Variants in SCHIP1 observed in about 807,000 individuals in gnomAD.
The protein encoded by SCHIP1 is schwannomin interacting protein 1.
SCHIP1 carries 8 observed loss-of-function variants against 29.7 expected under a neutral mutation model. That is an observed-to-expected ratio of 0.27 (90% CI 0.16 to 0.49). The LOEUF is 0.49. SCHIP1 is among the 20% of genes least tolerant of loss of function. The probability of loss-of-function intolerance (pLI) is 0.99; values close to 1 mark genes in which losing one functional copy is unlikely to be tolerated. For missense variants in SCHIP1, 193 were observed against 294.6 expected (o/e 0.66, Z 2.52); for synonymous variants, 76 against 94.9 (o/e 0.80, Z 1.16).
the SCHIP1 span, among the ~76,000 whole-genome samples, chr3:159,334,352 C>T: frequency 9.2e-5 from 14 of 152,078 alleles, no homozygotes; most frequent in Non-Finnish European, 1.6e-4. Flanking sequence ...GTTTGATATG[C>T]ACATCATAGG....
chr3:159,782,698 T>C, the SCHIP1 span, among the ~76,000 whole-genome samples: 1 of 152,268 alleles, frequency 6.6e-6, no homozygotes, highest in Non-Finnish European at 1.5e-5. Flanking sequence ...GTGATTGTAA[T>C]GATCCTCAGG....
the SCHIP1 span, among the ~76,000 whole-genome samples, chr3:159,589,087 C>T: frequency 6.6e-6 from 1 of 152,150 alleles, no homozygotes; most frequent in Non-Finnish European, 1.5e-5. Flanking sequence ...TTGATTCTTC[C>T]TACCCATGAG....
At chr3:159,678,804 T>C in the SCHIP1 span, among the ~76,000 whole-genome samples, 1 of 152,204 alleles carries the variant, frequency 6.6e-6, no homozygotes, top group Non-Finnish European at 1.5e-5. Flanking sequence ...AAGGCACCTC[T>C]TCACAGAGTG....
chr3:159,771,868 C>A, the SCHIP1 span, among the ~76,000 whole-genome samples: 1 of 152,102 alleles, frequency 6.6e-6, no homozygotes, highest in Non-Finnish European at 1.5e-5. Flanking sequence ...TAAAATAAAT[C>A]TTTGCCTACC....
chr3:159,424,863 C>T, the SCHIP1 span, among the ~76,000 whole-genome samples: 8 of 151,794 alleles, frequency 5.3e-5, no homozygotes, highest in Non-Finnish European at 2.9e-5. Context: ...CTCTAAAAGC[C>T]AGAAGAGAGT....
chr3:159,527,731 GAGT>G, the SCHIP1 span, among the ~76,000 whole-genome samples: 52 of 152,224 alleles, frequency 3.4e-4, no homozygotes, highest in African/African-American at 1.2e-3. Context: ...TTTGCATTTG[GAGT>G]AGTTTTTTTG....
the SCHIP1 span, among the ~76,000 whole-genome samples, chr3:159,315,996 C>A: frequency 3.9e-5 from 6 of 152,030 alleles, no homozygotes; most frequent in Admixed American, 3.9e-4. Flanking sequence ...TCTTCACATT[C>A]TTTTAATGTA....
the SCHIP1 span, among the ~76,000 whole-genome samples, chr3:159,499,272 A>G: frequency 6.6e-6 from 1 of 152,210 alleles, no homozygotes; most frequent in African/African-American, 2.4e-5. Flanking sequence ...ATGGGCCATC[A>G]CAATTCAGGA....
chr3:159,549,980 G>C, the SCHIP1 span, among the ~76,000 whole-genome samples: 1 of 149,470 alleles, frequency 6.7e-6, no homozygotes, highest in Non-Finnish European at 1.5e-5. Flanking sequence ...AATTTTATTT[G>C]TATTTTCAAT....
chr3:159,617,595 T>C, the SCHIP1 span, among the ~76,000 whole-genome samples: 1 of 152,080 alleles, frequency 6.6e-6, no homozygotes, highest in Admixed American at 6.5e-5. Flanking sequence ...AATAAAACAA[T>C]CTTTGTTCAC....
the SCHIP1 span, among the ~76,000 whole-genome samples, chr3:159,496,998 C>T: frequency 6.1e-3 from 924 of 152,192 alleles, 9 homozygotes; most frequent in African/African-American, 0.021. Flanking sequence ...AGCAAACTGT[C>T]GCAAGGACAA....
chr3:159,690,736 G>A, the SCHIP1 span, among the ~76,000 whole-genome samples: 1 of 152,154 alleles, frequency 6.6e-6, no homozygotes, highest in Non-Finnish European at 1.5e-5. Flanking sequence ...GGCATTTAGT[G>A]CTATAAATTT....
chr3:159,404,505 G>A, the SCHIP1 span, among the ~76,000 whole-genome samples: 1 of 152,174 alleles, frequency 6.6e-6, no homozygotes, highest in African/African-American at 2.4e-5. Flanking sequence ...GGAAGTACTT[G>A]TCACAGGTGT....
the SCHIP1 span, among the ~76,000 whole-genome samples, chr3:159,637,281 A>G: frequency 6.6e-6 from 1 of 151,896 alleles, no homozygotes; most frequent in South Asian, 2.1e-4. Context: ...TCATTTTGGA[A>G]CTCAAGACTT....
chr3:159,444,337 G>A, the SCHIP1 span, among the ~76,000 whole-genome samples: 4 of 152,048 alleles, frequency 2.6e-5, no homozygotes, highest in African/African-American at 9.7e-5. Context: ...CCAAACACAT[G>A]CGAGGCATGG....
the SCHIP1 span, among the ~76,000 whole-genome samples, chr3:159,577,523 T>C: frequency 6.6e-6 from 1 of 152,192 alleles, no homozygotes; most frequent in South Asian, 2.1e-4. Context: ...CTTCACATCA[T>C]TGACAACTCC....
the SCHIP1 span, among the ~76,000 whole-genome samples, chr3:159,319,426 A>G: frequency 5.3e-5 from 8 of 152,222 alleles, no homozygotes; most frequent in Admixed American, 2.0e-4. Context: ...ACAAATGACT[A>G]TTTGGACTCA....
chr3:159,453,158 C>T, the SCHIP1 span, among the ~76,000 whole-genome samples: 68 of 152,298 alleles, frequency 4.5e-4, no homozygotes, highest in Admixed American at 2.9e-3. Flanking sequence ...GCAGGTACAA[C>T]GGCAGCCACA....
At chr3:159,596,574 A>G in the SCHIP1 span, among the ~76,000 whole-genome samples, 1 of 152,186 alleles carries the variant, frequency 6.6e-6, no homozygotes. Flanking sequence ...GATAGACTGG[A>G]TTAAGAAAAT....
Sources: allele counts gnomAD v4.1 joint callset (sites outside exome capture counted in the v4.1 genomes callset), GRCh38; gene constraint gnomAD v4.1.1; transcripts MANE v1.5; gene names NCBI Gene and HGNC (gene_info 2026-07-23, HGNC 2026-07-21).